RABGAP1L: variants seen among roughly 807,000 people sequenced by gnomAD.
RABGAP1L encodes rab GTPase-activating protein 1-like.
In RABGAP1L, 63 loss-of-function variants were observed where a neutral mutation model predicts 137.7. The ratio of observed to expected loss-of-function variants is 0.46; its 90% confidence interval spans 0.37 to 0.56. RABGAP1L has a LOEUF of 0.56. RABGAP1L is among the 20% of genes least tolerant of loss of function. RABGAP1L has a pLI of 0.00. For missense variants in RABGAP1L, 1,095 were observed against 1,244.0 expected (o/e 0.88, Z 1.80); for synonymous variants, 431 against 433.7 (o/e 0.99, Z 0.08).
chr1:174,234,703 T>A (rs1670998295), intron 4 of RABGAP1L, among the ~76,000 whole-genome samples: 1 of 150,812 alleles, frequency 6.6e-6, no homozygotes, highest in South Asian at 2.1e-4. Context: ...GGTAGTGTGA[T>A]GCCTCCAGCT....
rs1467484298 is a variant in RABGAP1L, at chr1:174,550,921, C to CACACATATACACATATAT, written c.1711-86453_1711-86452insCACATATACACATATATA. Reference sequence around the variant, plus strand: ...ACACACACACATATACACACACACACATATATATATACACATATATATACA... The same window carrying CACACATATACACATATAT: ...ACACACACACATATACACACACACACACACATATACACATATATATATATATATACACATATATATACA... On this transcript the variant is annotated intron_variant, in intron 13 of 25. Transcript: ENST00000681986. 3.3e-5 allele frequency among the ~76,000 whole-genome samples: 3 copies of CACACATATACACATATAT among 90,950 alleles called. No individual in the cohort carries two copies. In the Admixed American group the frequency reaches 3.3e-4, roughly 10 times the overall value. The allele number at this position is 90,950 out of a possible 152,430, so 59.7% of individuals were successfully genotyped here.
intron 13 of RABGAP1L, among the ~76,000 whole-genome samples, chr1:174,433,944 A>T (rs1652934784): frequency 6.6e-6 from 1 of 152,152 alleles, no homozygotes; most frequent in Non-Finnish European, 1.5e-5. Flanking sequence ...GCTATAACTT[A>T]CACAGGTCTT....
At chr1:174,734,834 T>G (rs780107360) in intron 17 of RABGAP1L, among the ~76,000 whole-genome samples, 20 of 152,170 alleles carry the variant, frequency 1.3e-4, no homozygotes, top group Non-Finnish European at 2.6e-4. Flanking sequence ...TTTATATGCC[T>G]AAAATTCTTG....
chr1:174,389,389 T>A (rs899699655), intron 12 of RABGAP1L, among the ~76,000 whole-genome samples: 3 of 151,948 alleles, frequency 2.0e-5, no homozygotes, highest in Non-Finnish European at 4.4e-5. Context: ...TCTAATTCCA[T>A]TGGTGACTTT....
chr1:174,328,426 A>G (rs960013741), intron 11 of RABGAP1L, among the ~76,000 whole-genome samples: 1 of 152,170 alleles, frequency 6.6e-6, no homozygotes, highest in Non-Finnish European at 1.5e-5. Flanking sequence ...AAATTAAACA[A>G]TATACTCCTG....
At chr1:174,326,263 A>C (rs1345096605) in intron 11 of RABGAP1L, among the ~76,000 whole-genome samples, 4 of 152,256 alleles carry the variant, frequency 2.6e-5, no homozygotes, top group Non-Finnish European at 5.9e-5. Context: ...TGGTGGACAA[A>C]GAATTCAAAA....
chr1:174,789,037 C>G (rs953362993), intron 18 of RABGAP1L, among the ~76,000 whole-genome samples: 5 of 152,072 alleles, frequency 3.3e-5, no homozygotes, highest in Non-Finnish European at 7.4e-5. Context: ...TAAGTTTCTT[C>G]TCTTTCCTGA....
chr1:174,411,249 G>A lies in RABGAP1L; in HGVS notation c.1710+17104G>A, dbSNP rs781457572. On this transcript the variant is annotated intron_variant, in intron 13 of 25. Transcript: ENST00000681986. ...TTTCTTTCTCTTGCCTGATTGCTCT[G>A]GGTAGGACTTCCATTACTATGTTGA... Among the ~76,000 whole-genome samples, 89 of 152,032 alleles carry A rather than the reference G, an allele frequency of 5.9e-4. 1 individual carries two copies. The highest frequency in any genetic ancestry group is 2.4e-4 in the Non-Finnish European group (16 of 67,998).
intron 14 of RABGAP1L, among the ~76,000 whole-genome samples, chr1:174,639,665 G>C (rs1026545638): frequency 2.0e-5 from 3 of 151,896 alleles, no homozygotes; most frequent in African/African-American, 7.3e-5. Context: ...TAATGTGCTT[G>C]CAGCTTCTGA....
At chr1:174,581,764 G>A (rs1193886080) in intron 13 of RABGAP1L, among the ~76,000 whole-genome samples, 1 of 152,094 alleles carries the variant, frequency 6.6e-6, no homozygotes, top group Non-Finnish European at 1.5e-5. Context: ...GGGAGACAAA[G>A]CTCAGGTCCT....
intron 1 of RABGAP1L, among the ~76,000 whole-genome samples, chr1:174,180,096 A>G (rs1666226534): frequency 6.6e-6 from 1 of 152,226 alleles, no homozygotes; most frequent in Admixed American, 6.5e-5. Flanking sequence ...CATAAGGGAT[A>G]CCTTTATATC....
In RABGAP1L at chr1:174,975,138, A is replaced by G. The variant is rs943255866; in HGVS notation, c.2545-940A>G. Among the ~76,000 whole-genome samples the G allele has an allele frequency of 3.3e-5, 5 of 152,234 alleles. No individual in the cohort carries two copies. In the East Asian group the frequency reaches 9.6e-4, roughly 29 times the overall value. ...AGTACTTAGGGAGCACCTATTCTGT[A>G]CTTGGCATTGGGCTTGGTGCTTGGG... On this transcript the variant is annotated intron_variant, in intron 21 of 25. Coordinates refer to ENST00000681986, the MANE Select transcript of RABGAP1L (RefSeq NM_001366446.1).
At chr1:174,644,049 A>AATAATCATTATAGTCATACAATAT (rs1169034851) in intron 14 of RABGAP1L, among the ~76,000 whole-genome samples, 1 of 152,034 alleles carries the variant, frequency 6.6e-6, no homozygotes. Context: ...ATAGTCATAC[A>AATAATCATTATAGTCATACAATAT]AAAGGGTTAT....
rs1558267418 is a variant in RABGAP1L, at chr1:174,946,920, ATATATAT to A, written c.2341-10536_2341-10530del. Among the ~76,000 whole-genome samples the A allele has an allele frequency of 4.7e-4, 11 of 23,572 alleles. 1 individual carries two copies. The highest frequency in any genetic ancestry group is 1.7e-3 in the African/African-American group (11 of 6,556). The allele number at this position is 23,572 out of a possible 152,430, so 15.5% of individuals were successfully genotyped here. ...CATCTCAAAAAAAAAAAAAAAAAAT[ATATATAT>A]ATATATATATATATGTGTGTGTGTG... On this transcript the variant is annotated intron_variant, in intron 19 of 25. Coordinates refer to ENST00000681986, the MANE Select transcript of RABGAP1L (RefSeq NM_001366446.1).
intron 23 of RABGAP1L, among the ~76,000 whole-genome samples, chr1:174,979,349 T>A (rs192249141): frequency 1.3e-5 from 2 of 152,358 alleles, no homozygotes; most frequent in Admixed American, 1.3e-4. Flanking sequence ...TATAACTTAT[T>A]ACTTATAGCT....
intron 3 of RABGAP1L, among the ~76,000 whole-genome samples, chr1:174,225,831 A>T (rs1174514947): frequency 6.6e-6 from 1 of 152,098 alleles, no homozygotes. Flanking sequence ...CTTTATGACA[A>T]AGTGGTGAGA....
intron 19 of RABGAP1L, chr1:174,892,639 G>A: frequency 1.9e-6 from 1 of 535,408 alleles, no homozygotes; most frequent in East Asian, 5.3e-5. Flanking sequence ...TATTTGATGA[G>A]GCTGCTAAAG....
chr1:174,974,012 G>A (rs1372584998), intron 21 of RABGAP1L, among the ~76,000 whole-genome samples: 7 of 125,186 alleles, frequency 5.6e-5, no homozygotes, highest in East Asian at 4.7e-4. Context: ...TTTTTGAGAC[G>A]GAGTCTCGCT....
intron 11 of RABGAP1L, among the ~76,000 whole-genome samples, chr1:174,323,609 G>C (rs1680201730): frequency 6.6e-6 from 1 of 151,980 alleles, no homozygotes; most frequent in Non-Finnish European, 1.5e-5. Flanking sequence ...ATTGTTTAGG[G>C]AGCTTTCATC....
Sources: gnomAD v4.1 joint callset for allele counts (sites outside exome capture counted in the v4.1 genomes callset) on GRCh38, gnomAD v4.1.1 for gene constraint, MANE v1.5 for transcripts, NCBI Gene and HGNC (gene_info 2026-07-23, HGNC 2026-07-21) for gene names.